Variants in CNTN5 observed in about 807,000 individuals in gnomAD.
CNTN5 encodes the protein contactin-5.
Under a neutral mutation model 129.1 loss-of-function variants are expected in CNTN5, and 77 were observed. The ratio of observed to expected loss-of-function variants is 0.60; its 90% CI spans 0.50 to 0.72. CNTN5 has a LOEUF of 0.72. Among genes scored for constraint, CNTN5 ranks in the 30% least tolerant of loss-of-function variants. The pLI is 0.00. For missense variants in CNTN5, 1,478 were observed against 1,328.8 expected (o/e 1.11, Z -1.75); for synonymous variants, 509 against 465.6 (o/e 1.09, Z -1.20).
At position 100,307,897 on chromosome 11, in the gene CNTN5, T is replaced by C. The variant is rs567465489; in HGVS notation, c.2621-462T>C. ...CTTTAAATCTATGAGATAAATACTC[T>C]CATTATAGTCATGTTATAGATGAGG... is the stretch of plus-strand genomic sequence containing the variant. On this transcript the variant is annotated intron_variant, in intron 20 of 24. Transcript: ENST00000524871. Among the ~76,000 whole-genome samples, 28 of 151,806 alleles carry C rather than the reference T, an allele frequency of 1.8e-4. No individual in the cohort carries two copies. In the East Asian group the frequency reaches 5.1e-3, roughly 27 times the overall value.
chr11:99,083,955 T>A (rs1047930215), intron 1 of CNTN5, among the ~76,000 whole-genome samples: 11 of 152,182 alleles, frequency 7.2e-5, no homozygotes, highest in African/African-American at 2.7e-4. Context: ...TATTAAGAGT[T>A]TATCACATTA....
At chr11:99,780,037 A>G (rs1180264529) in intron 3 of CNTN5, among the ~76,000 whole-genome samples, 1 of 152,032 alleles carries the variant, frequency 6.6e-6, no homozygotes, top group Non-Finnish European at 1.5e-5. Context: ...GTTGTTCAGC[A>G]TAGAAGGAGT....
intron 2 of CNTN5, among the ~76,000 whole-genome samples, chr11:99,425,356 T>A (rs1231236810): frequency 1.3e-5 from 2 of 152,180 alleles, no homozygotes; most frequent in Non-Finnish European, 2.9e-5. Context: ...CCGCTTTCCT[T>A]CCAGGAACCT....
At chr11:100,093,587 G>T (rs897417775) in intron 13 of CNTN5, among the ~76,000 whole-genome samples, 4 of 151,938 alleles carry the variant, frequency 2.6e-5, no homozygotes, top group African/African-American at 9.7e-5. Flanking sequence ...GTTTTCAGGT[G>T]CACACCCCTA....
intron 8 of CNTN5, among the ~76,000 whole-genome samples, chr11:99,999,133 A>G (rs1165741052): frequency 6.6e-6 from 1 of 152,068 alleles, no homozygotes; most frequent in South Asian, 2.1e-4. Context: ...AAGCAATGGC[A>G]ACAAAAGCCA....
chr11:100,271,321 C>G lies in CNTN5; in HGVS notation c.2314+80C>G, dbSNP rs1950404439. 1.3e-5 allele frequency: 13 copies of G among 973,150 alleles called. No homozygotes were observed. The South Asian group carries it at 3.4e-4, about 25-fold the overall frequency. The allele number at this position is 973,150 out of a possible 1,614,324, so 60.3% of individuals were successfully genotyped here. A position where few individuals can be genotyped will look rare whatever the true frequency, so the allele number is the denominator to read the frequency against. On this transcript the variant is annotated intron_variant, in intron 18 of 24. Transcript: ENST00000524871. ...GTGAGTTGAATTAACCATGATTGCT[C>G]CATTGCTTGCTTTAGCATAATTTGT...
chr11:100,034,408 TATATCTTAA>T (rs1432545934), intron 9 of CNTN5, among the ~76,000 whole-genome samples: 1 of 152,228 alleles, frequency 6.6e-6, no homozygotes, highest in Non-Finnish European at 1.5e-5. Flanking sequence ...TTGTTAGTTC[TATATCTTAA>T]ATATCTTAAA....
At chr11:100,077,641 C>T (rs1169149194) in intron 13 of CNTN5, among the ~76,000 whole-genome samples, 1 of 151,826 alleles carries the variant, frequency 6.6e-6, no homozygotes, top group African/African-American at 2.4e-5. Flanking sequence ...TGCAACACAG[C>T]AAGACTCCTA....
intron 4 of CNTN5, among the ~76,000 whole-genome samples, chr11:99,841,881 TATAC>T (rs61219694): frequency 0.048 from 3,702 of 76,452 alleles, 67 homozygotes; most frequent in Admixed American, 0.09. Flanking sequence ...TACACATACA[TATAC>T]ATATATATAT....
At chr11:99,944,374 G>A (rs1378091632) in intron 7 of CNTN5, among the ~76,000 whole-genome samples, 4 of 151,926 alleles carry the variant, frequency 2.6e-5, no homozygotes, top group Non-Finnish European at 2.9e-5. Flanking sequence ...AAAATAATAA[G>A]AGCTATTTAT....
chr11:99,535,104 G>T (rs1398556963), intron 2 of CNTN5, among the ~76,000 whole-genome samples: 1 of 152,166 alleles, frequency 6.6e-6, no homozygotes, highest in Admixed American at 6.6e-5. Context: ...GCCGTTAAAG[G>T]AATTTGATGA....
intron 3 of CNTN5, among the ~76,000 whole-genome samples, chr11:99,617,581 T>C (rs1307498332): frequency 6.6e-6 from 1 of 152,146 alleles, no homozygotes; most frequent in Non-Finnish European, 1.5e-5. Flanking sequence ...TTTTCCTCAA[T>C]GACAACTTAT....
intron 13 of CNTN5, among the ~76,000 whole-genome samples, chr11:100,114,105 C>T (rs563999399): frequency 3.9e-5 from 6 of 152,126 alleles, no homozygotes; most frequent in East Asian, 1.9e-4. Context: ...GAACTTTGGG[C>T]GTGCATCCAA....
chr11:99,901,814 A>T (rs1266172738), intron 6 of CNTN5, among the ~76,000 whole-genome samples: 2 of 152,218 alleles, frequency 1.3e-5, no homozygotes, highest in African/African-American at 4.8e-5. Flanking sequence ...TAGATGCTGG[A>T]TACAAGGATA....
At chr11:99,235,920 C>T (rs1383893081) in intron 1 of CNTN5, among the ~76,000 whole-genome samples, 1 of 152,140 alleles carries the variant, frequency 6.6e-6, no homozygotes, top group Non-Finnish European at 1.5e-5. Flanking sequence ...TGGAAGCTGG[C>T]TTCTGCAGTG....
chr11:100,342,067 GT>G (rs1952173996), intron 23 of CNTN5, among the ~76,000 whole-genome samples: 1 of 151,488 alleles, frequency 6.6e-6, no homozygotes, highest in South Asian at 2.1e-4. Flanking sequence ...AACTGAAGAA[GT>G]TATAAATGGA....
chr11:99,381,425 A>T (rs1428216976), intron 2 of CNTN5, among the ~76,000 whole-genome samples: 2 of 152,178 alleles, frequency 1.3e-5, no homozygotes, highest in African/African-American at 4.8e-5. Context: ...TTATTTTAGG[A>T]TGTAATAGTA....
intron 3 of CNTN5, among the ~76,000 whole-genome samples, chr11:99,662,577 T>C (rs1406204865): frequency 6.6e-6 from 1 of 152,236 alleles, no homozygotes; most frequent in African/African-American, 2.4e-5. Flanking sequence ...ATCTTCAAAA[T>C]TTTTAAAGGA....
At chr11:100,203,490 A>G (rs901455352) in intron 15 of CNTN5, among the ~76,000 whole-genome samples, 2 of 152,052 alleles carry the variant, frequency 1.3e-5, no homozygotes, top group Admixed American at 1.3e-4. Flanking sequence ...ATAAGTATGC[A>G]TTTACAGCAT....
Sources: allele counts gnomAD v4.1 joint callset (sites outside exome capture counted in the v4.1 genomes callset), GRCh38; gene constraint gnomAD v4.1.1; transcripts MANE v1.5; gene names NCBI Gene and HGNC (gene_info 2026-07-23, HGNC 2026-07-21).